Variants in STOX2 observed in about 807,000 individuals in gnomAD.
STOX2 encodes the protein storkhead box 2.
STOX2 carries 28 observed loss-of-function variants against 60.9 expected under a neutral mutation model. The observed-to-expected ratio is 0.46, with a 90% CI of 0.34 to 0.63. The LOEUF is 0.63. Among genes scored for constraint, STOX2 ranks in the 30% least tolerant of loss-of-function variants. The pLI, the probability that STOX2 is intolerant of heterozygous loss-of-function variation, is 0.01. For missense variants in STOX2, 1,024 were observed against 1,187.7 expected, an observed-to-expected ratio of 0.86 and a Z score of 2.03; for synonymous variants, 472 against 463.9, an observed-to-expected ratio of 1.02 and a Z score of -0.22.
intron 2 of STOX2, among the ~76,000 whole-genome samples, chr4:184,008,654 T>A (rs975270836): frequency 6.6e-6 from 1 of 152,180 alleles, no homozygotes; most frequent in Admixed American, 6.5e-5. Context: ...AAAATTAAGT[T>A]TATTAAGTAA....
rs573059221 is a variant in STOX2, at chr4:183,983,981, C to G, written c.167-17344C>G. Among the ~76,000 whole-genome samples, 4 of 152,296 alleles carry G rather than the reference C, an allele frequency of 2.6e-5. No individual in the cohort carries two copies. The East Asian group carries it at 7.7e-4, about 29-fold the overall frequency. ...CCTTGGGCCACCCCTCTTGCCTTCT[C>G]TTCCTCTACTTCCCAGTAATGAACC... On this transcript the variant is annotated intron_variant, in intron 1 of 3. Coordinates refer to ENST00000308497, the MANE Select transcript of STOX2 (RefSeq NM_020225.3).
chr4:183,923,964 C>A (rs1009027566), intron 1 of STOX2, among the ~76,000 whole-genome samples: 3 of 152,184 alleles, frequency 2.0e-5, no homozygotes, highest in African/African-American at 7.2e-5. Flanking sequence ...GTTCCTTCTG[C>A]AGAATCATCT....
At chr4:183,838,582 A>T (rs1305086086) in intron 1 of STOX2, among the ~76,000 whole-genome samples, 1 of 152,248 alleles carries the variant, frequency 6.6e-6, no homozygotes, top group Non-Finnish European at 1.5e-5. Flanking sequence ...CAAGTTGCTT[A>T]TCACAAATGG....
At chr4:183,898,560 C>T (rs990933265) in intron 1 of STOX2, among the ~76,000 whole-genome samples, 1 of 151,850 alleles carries the variant, frequency 6.6e-6, no homozygotes, top group South Asian at 2.1e-4. Flanking sequence ...CACTTGCAAG[C>T]GCTGAAATAA....
At chr4:183,898,076 A>G (rs2111070457) in intron 1 of STOX2, among the ~76,000 whole-genome samples, 1 of 152,324 alleles carries the variant, frequency 6.6e-6, no homozygotes. Context: ...TTTAATATTT[A>G]AATTTGTAGC....
chr4:183,984,068 C>A (rs1732753353), intron 1 of STOX2, among the ~76,000 whole-genome samples: 1 of 152,254 alleles, frequency 6.6e-6, no homozygotes, highest in Admixed American at 6.5e-5. Context: ...CACACCTCCA[C>A]ACCTTGTCCA....
chr4:183,862,168 G>GTTGT (rs34544588), intron 1 of STOX2, among the ~76,000 whole-genome samples: 10 of 151,046 alleles, frequency 6.6e-5, no homozygotes, highest in East Asian at 3.9e-4. Context: ...GTTTGTTGTT[G>GTTGT]TTGTTTGTTT....
At chr4:183,847,867 G>C (rs115129882) in intron 1 of STOX2, among the ~76,000 whole-genome samples, 1 of 152,246 alleles carries the variant, frequency 6.6e-6, no homozygotes, top group South Asian at 2.1e-4. Context: ...ATGTCACTTT[G>C]TGCACATGTG....
chr4:183,918,926 G>A (rs556337204), intron 1 of STOX2, among the ~76,000 whole-genome samples: 7 of 152,328 alleles, frequency 4.6e-5, no homozygotes, highest in Admixed American at 2.0e-4. Context: ...GCTCAAAGCT[G>A]CCCACCTTCG....
At chr4:183,842,619 G>A (rs554491386) in intron 1 of STOX2, among the ~76,000 whole-genome samples, 33 of 152,276 alleles carry the variant, frequency 2.2e-4, no homozygotes, top group African/African-American at 6.3e-4. Flanking sequence ...GGAGGAAAGT[G>A]CTCTGTGAGA....
chr4:183,887,333 G>A (rs550500839), intron 1 of STOX2, among the ~76,000 whole-genome samples: 202 of 152,168 alleles, frequency 1.3e-3, no homozygotes, highest in Non-Finnish European at 4.6e-4. Context: ...ACAACCATTT[G>A]TCAGAGACAC....
At chr4:183,985,719 T>G (rs1057223439) in intron 1 of STOX2, among the ~76,000 whole-genome samples, 1 of 152,224 alleles carries the variant, frequency 6.6e-6, no homozygotes, top group African/African-American at 2.4e-5. Flanking sequence ...ACTTGTGTCT[T>G]TAACTGTCAG....
chr4:183,917,416 A>G (rs1287980306), intron 1 of STOX2, among the ~76,000 whole-genome samples: 1 of 152,242 alleles, frequency 6.6e-6, no homozygotes. Flanking sequence ...TGAAATTATA[A>G]AACAGTGTCT....
At chr4:183,920,319 G>A (rs1046222668) in intron 1 of STOX2, among the ~76,000 whole-genome samples, 3 of 152,040 alleles carry the variant, frequency 2.0e-5, no homozygotes, top group African/African-American at 2.4e-5. Context: ...TATTGGCCAG[G>A]CTGATCTTGA....
chr4:183,880,365 A>T (rs1436330075), intron 1 of STOX2, among the ~76,000 whole-genome samples: 1 of 151,932 alleles, frequency 6.6e-6, no homozygotes, highest in Non-Finnish European at 1.5e-5. Context: ...TTTTTCAGTT[A>T]TTAGACGATT....
At chr4:183,900,049 C>T (rs537349509) in intron 1 of STOX2, among the ~76,000 whole-genome samples, 1 of 152,300 alleles carries the variant, frequency 6.6e-6, no homozygotes, top group South Asian at 2.1e-4. Flanking sequence ...TGCTTATGCT[C>T]TATAAATGGA....
At chr4:183,893,298 G>A (rs1741269158) in intron 1 of STOX2, among the ~76,000 whole-genome samples, 1 of 152,188 alleles carries the variant, frequency 6.6e-6, no homozygotes, top group African/African-American at 2.4e-5. Flanking sequence ...TGGAAACCCT[G>A]CAGTAGGCTG....
At chr4:183,845,511 G>A (rs564043739) in intron 1 of STOX2, among the ~76,000 whole-genome samples, 1 of 152,276 alleles carries the variant, frequency 6.6e-6, no homozygotes, top group African/African-American at 2.4e-5. Flanking sequence ...TTTGCTGGAA[G>A]TGGAGAGCCA....
chr4:183,876,397 C>T (rs1267432918), intron 1 of STOX2, among the ~76,000 whole-genome samples: 1 of 152,214 alleles, frequency 6.6e-6, no homozygotes, highest in Non-Finnish European at 1.5e-5. Context: ...GCTCAGCCTC[C>T]TGGTTGGCTC....
Sources: gnomAD v4.1 joint callset for allele counts (sites outside exome capture counted in the v4.1 genomes callset) on GRCh38, gnomAD v4.1.1 for gene constraint, MANE v1.5 for transcripts, NCBI Gene and HGNC (gene_info 2026-07-23, HGNC 2026-07-21) for gene names.